The following FBXO11 variants were observed in gnomAD, a reference collection of about 807,000 sequenced individuals.
FBXO11 encodes F-box protein 11.
A neutral mutation model predicts 117.0 loss-of-function variants in FBXO11; 13 were observed. The observed-to-expected ratio is 0.11, with a 90% CI of 0.07 to 0.18. The LOEUF (loss-of-function observed/expected upper bound fraction) is 0.18, where lower values mean the gene tolerates loss of function less well. Ranked by LOEUF, FBXO11 falls within the 10% of genes least tolerant of loss-of-function variation. The pLI, the probability that FBXO11 is intolerant of heterozygous loss-of-function variation, is 1.00. For synonymous variants in FBXO11, 490 were observed against 380.5 expected, an observed-to-expected ratio of 1.29 and a Z score of -3.35; for missense variants, 767 against 1,164.4, an observed-to-expected ratio of 0.66 and a Z score of 4.97.
At chr2:47,895,988 C>A (rs1677635330) in intron 1 of FBXO11, among the ~76,000 whole-genome samples, 1 of 152,212 alleles carries the variant, frequency 6.6e-6, no homozygotes, top group South Asian at 2.1e-4. Flanking sequence ...AGCCACCATG[C>A]CCAGCCATAA....
At position 47,809,746 on chromosome 2, in the gene FBXO11, A is replaced by G. The variant is rs1670479836; in HGVS notation, c.2339-39T>C. The G allele has an allele frequency of 2.2e-6, 3 of 1,353,772 alleles. No homozygotes were observed. The South Asian group carries it at 3.6e-5, about 16-fold the overall frequency. 83.9% of individuals were successfully genotyped at this position (1,353,772 alleles called of 1,614,324 possible). On this transcript the variant is annotated intron_variant, in intron 19 of 22. Transcript: ENST00000403359. ...TACAAACAAGTAGATACATCACTTT[A>G]TACTGCTTCTTAAAAACCTGAAATT...
intron 1 of FBXO11, among the ~76,000 whole-genome samples, chr2:47,874,781 C>T (rs563371888): frequency 1.3e-5 from 2 of 152,124 alleles, no homozygotes; most frequent in African/African-American, 4.8e-5. Flanking sequence ...GCGATCCACC[C>T]GCCTCAGCCT....
intron 5 of FBXO11, 79 bp from the exon 6 acceptor site, chr2:47,834,950 C>A: frequency 1.0e-6 from 1 of 958,396 alleles, no homozygotes; most frequent in Non-Finnish European, 1.6e-6. Context: ...ATTGCATGAA[C>A]AACTTTTATT....
chr2:47,873,958 T>C (rs1675808636), intron 1 of FBXO11, among the ~76,000 whole-genome samples: 1 of 152,124 alleles, frequency 6.6e-6, no homozygotes, highest in Non-Finnish European at 1.5e-5. Flanking sequence ...CTCGTCCCTG[T>C]AATCCCAGCC....
chr2:47,854,136 T>G lies in FBXO11; in HGVS notation c.233-14367A>C, dbSNP rs112986600. On this transcript the variant is annotated intron_variant, in intron 1 of 22. Coordinates refer to ENST00000403359, the MANE Select transcript of FBXO11 (RefSeq NM_001190274.2). Reference sequence around the variant, plus strand: ...ATAAAAGTATGTTCACTTAGAAAATTTGAATAAAGAAAAAACACACAAAAG... The same window carrying G: ...ATAAAAGTATGTTCACTTAGAAAATGTGAATAAAGAAAAAACACACAAAAG... Among the ~76,000 whole-genome samples, 3 of 152,344 alleles carry G rather than the reference T, an allele frequency of 2.0e-5. 1 individual carries two copies. The highest frequency in any genetic ancestry group is 7.2e-5 in the African/African-American group (3 of 41,586).
chr2:47,852,218 G>A (rs1224782179), intron 1 of FBXO11, among the ~76,000 whole-genome samples: 2 of 152,064 alleles, frequency 1.3e-5, no homozygotes, highest in Non-Finnish European at 2.9e-5. Context: ...TCGAACTCCT[G>A]ACCTAAGGTG....
intron 1 of FBXO11, among the ~76,000 whole-genome samples, chr2:47,895,599 T>C (rs1422126701): frequency 6.6e-6 from 1 of 152,246 alleles, no homozygotes; most frequent in East Asian, 1.9e-4. Context: ...TCAGGAAAAG[T>C]AATCAAGCTG....
intron 5 of FBXO11, 90 bp downstream of exon 5, chr2:47,835,782 G>T: frequency 9.8e-7 from 1 of 1,018,858 alleles, no homozygotes; most frequent in Non-Finnish European, 1.4e-6. Context: ...ACAGGTGTGA[G>T]CCACCACGCC....
At chr2:47,895,947 A>T (rs1677631256) in intron 1 of FBXO11, among the ~76,000 whole-genome samples, 1 of 152,178 alleles carries the variant, frequency 6.6e-6, no homozygotes, top group Non-Finnish European at 1.5e-5. Flanking sequence ...CACTCGCCTC[A>T]GCCTCCCAAA....
chr2:47,833,829 T>C (rs942062980), intron 7 of FBXO11, among the ~76,000 whole-genome samples: 2 of 152,082 alleles, frequency 1.3e-5, no homozygotes, highest in Non-Finnish European at 2.9e-5. Flanking sequence ...CACACCTGGC[T>C]AATTTTTTTT....
At chr2:47,868,774 A>G (rs1485163822) in intron 1 of FBXO11, among the ~76,000 whole-genome samples, 3 of 152,322 alleles carry the variant, frequency 2.0e-5, no homozygotes, top group Non-Finnish European at 4.4e-5. Flanking sequence ...GCAGAGGCCA[A>G]TACTTAGCCC....
chr2:47,851,355 T>C (rs1481996805), intron 1 of FBXO11, among the ~76,000 whole-genome samples: 1 of 152,028 alleles, frequency 6.6e-6, no homozygotes, highest in Non-Finnish European at 1.5e-5. Flanking sequence ...GCCTCCCAAG[T>C]AGCTGGGACT....
chr2:47,858,577 G>C (rs568047723), intron 1 of FBXO11, among the ~76,000 whole-genome samples: 23 of 149,516 alleles, frequency 1.5e-4, no homozygotes, highest in African/African-American at 5.6e-4. Flanking sequence ...AGCTATTCAG[G>C]AGGCTGAGGC....
rs1157831463 is a variant in FBXO11, at chr2:47,810,424, G to A, written c.2230C>T (p.Leu744Phe). 1 of 1,591,772 alleles carries A rather than the reference G, an allele frequency of 6.3e-7. No homozygotes were observed. The highest frequency in any genetic ancestry group is 1.1e-5 in the South Asian group (1 of 89,466). ...GICIFNGGRG[L>F]LEENDIFRNA... ...CTGAAAATATCATTTTCTTCAAGGA[G>A]ACCTATAATAAAATATTTCCTTAGA... Residue 744 changes from leucine (L) to phenylalanine (F), a missense_variant and splice_region_variant, in exon 19 of 23, where the codon CTC becomes TTC. Leu to Phe is a conservative substitution (Grantham distance 22, BLOSUM62 0). This residue lies in a region of FBXO11 where 42 missense variants were observed against 216.8 expected (regional missense o/e 0.19). Transcript: ENST00000403359.
At chr2:47,812,438 C>T (rs1466419170) in intron 18 of FBXO11, among the ~76,000 whole-genome samples, 1 of 152,188 alleles carries the variant, frequency 6.6e-6, no homozygotes, top group Admixed American at 6.5e-5. Context: ...CATTTCTCAA[C>T]ACCTTGCAAA....
intron 1 of FBXO11, among the ~76,000 whole-genome samples, chr2:47,869,541 G>T (rs932649936): frequency 1.4e-4 from 22 of 152,292 alleles, no homozygotes; most frequent in African/African-American, 4.6e-4. Flanking sequence ...CCCAATTCAG[G>T]TGGGACTACT....
intron 1 of FBXO11, among the ~76,000 whole-genome samples, chr2:47,862,307 A>C (rs559510418): frequency 6.6e-6 from 1 of 152,362 alleles, no homozygotes; most frequent in East Asian, 1.9e-4. Flanking sequence ...TCCGCTGTTC[A>C]AGATACATAA....
chr2:47,896,422 C>A (rs1490166735), intron 1 of FBXO11, among the ~76,000 whole-genome samples: 1 of 152,004 alleles, frequency 6.6e-6, no homozygotes, highest in Non-Finnish European at 1.5e-5. Context: ...CTTGACCTCC[C>A]TGGCTCAGAT....
rs746953076 is a variant in FBXO11 at position 47,905,551 on chromosome 2, GGCT to G, written c.167_169del (p.Gln56del). 1,400 of 1,230,400 alleles carry G rather than the reference GGCT, an allele frequency of 1.1e-3. 2 individuals carry two copies. Among genetic ancestry groups the G allele is most frequent in the South Asian group, 2.3e-3 (63 of 27,372 alleles). The allele number at this position is 1,230,400 out of a possible 1,614,324, so 76.2% of individuals were successfully genotyped here. A position where few individuals can be genotyped will look rare whatever the true frequency, so the allele number is the denominator to read the frequency against. On this transcript the variant is annotated inframe_deletion, in exon 1 of 23. Transcript: ENST00000403359. ...CGGAGGCGGCGGTGGCGGCGGCGGA[GGCT>G]GCTGCTGCTGCTGCTGCTGCGGCGG... is the stretch of plus-strand genomic sequence containing the variant.
Sources: allele counts gnomAD v4.1 joint callset (sites outside exome capture counted in the v4.1 genomes callset), GRCh38; gene constraint gnomAD v4.1.1; regional missense constraint gnomAD v4.1.1; transcripts MANE v1.5; gene names NCBI Gene and HGNC (gene_info 2026-07-23, HGNC 2026-07-21).